TMEM108: variants seen among roughly 807,000 people sequenced by gnomAD.
The protein encoded by TMEM108 is cancer/testis antigen 124.
A neutral mutation model predicts 35.1 loss-of-function variants in TMEM108; 12 were observed. That is an observed-to-expected ratio of 0.34 (90% CI 0.22 to 0.55). The LOEUF is 0.55. Ranked by LOEUF, TMEM108 falls within the 20% of genes least tolerant of loss-of-function variation. The pLI is 0.89. For missense variants in TMEM108, 680 were observed against 753.3 expected, an observed-to-expected ratio of 0.90 and a Z score of 1.14; for synonymous variants, 287 against 308.6, an observed-to-expected ratio of 0.93 and a Z score of 0.73.
intron 3 of TMEM108, among the ~76,000 whole-genome samples, chr3:133,261,367 A>G (rs1250621335): frequency 6.6e-6 from 1 of 152,092 alleles, no homozygotes; most frequent in Non-Finnish European, 1.5e-5. Context: ...CAGCCCTTTA[A>G]TTTCTGGATT....
chr3:133,188,094 T>C (rs1030499882), intron 2 of TMEM108, among the ~76,000 whole-genome samples: 1 of 152,140 alleles, frequency 6.6e-6, no homozygotes, highest in Non-Finnish European at 1.5e-5. Flanking sequence ...ATTTGTCACA[T>C]TGACACTGAG....
At chr3:133,132,598 G>A (rs539777668) in intron 2 of TMEM108, among the ~76,000 whole-genome samples, 1 of 152,174 alleles carries the variant, frequency 6.6e-6, no homozygotes, top group East Asian at 1.9e-4. Context: ...GCTCTGAGGG[G>A]GATGTACAAG....
chr3:133,321,691 T>C (rs1332596263), intron 3 of TMEM108, among the ~76,000 whole-genome samples: 1 of 152,104 alleles, frequency 6.6e-6, no homozygotes, highest in Admixed American at 6.5e-5. Context: ...TAACAGATAT[T>C]TACAGAACAT....
At chr3:133,098,744 C>T (rs2107713302) in intron 2 of TMEM108, among the ~76,000 whole-genome samples, 1 of 152,308 alleles carries the variant, frequency 6.6e-6, no homozygotes, top group African/African-American at 2.4e-5. Flanking sequence ...AATTTTAAAG[C>T]TCCAAAACGA....
At chr3:133,267,479 A>T (rs1400333009) in intron 3 of TMEM108, among the ~76,000 whole-genome samples, 7 of 152,218 alleles carry the variant, frequency 4.6e-5, no homozygotes, top group Middle Eastern at 3.2e-3. Context: ...CCCAAGAAGA[A>T]GGGCCAGCAC....
At chr3:133,052,664 T>C (rs959877839) in intron 2 of TMEM108, among the ~76,000 whole-genome samples, 3 of 152,100 alleles carry the variant, frequency 2.0e-5, no homozygotes, top group African/African-American at 7.2e-5. Context: ...TTTTAAAATG[T>C]TCTTTTCCTT....
chr3:133,311,887 G>A (rs1045909418), intron 3 of TMEM108, among the ~76,000 whole-genome samples: 4 of 152,188 alleles, frequency 2.6e-5, no homozygotes, highest in African/African-American at 9.6e-5. Flanking sequence ...ACCTACAGAT[G>A]GGGTTTTGGT....
chr3:133,228,727 T>G (rs756862293), intron 2 of TMEM108, among the ~76,000 whole-genome samples: 2 of 152,228 alleles, frequency 1.3e-5, no homozygotes, highest in Non-Finnish European at 2.9e-5. Flanking sequence ...GGATTATGGA[T>G]AATATATATT....
chr3:133,305,420 C>T (rs1276200660), intron 3 of TMEM108, among the ~76,000 whole-genome samples: 3 of 150,754 alleles, frequency 2.0e-5, no homozygotes, highest in Non-Finnish European at 4.4e-5. Context: ...TGCTAGATGA[C>T]GAGTTAATGG....
chr3:133,073,536 C>A lies in TMEM108; in HGVS notation c.-47+27516C>A, dbSNP rs1474904763. On this transcript the variant is annotated intron_variant, in intron 2 of 5. Transcript: ENST00000321871. The stretch of plus-strand genomic sequence containing the variant: ...TATATATATATATATATATATATAT[C>A]ACATTTTCTTTATCCATTTATCTGT... 7.6e-5 allele frequency among the ~76,000 whole-genome samples: 6 copies of A among 78,928 alleles called. No homozygotes were observed. In the East Asian group the frequency reaches 9.3e-4, roughly 12 times the overall value. 51.8% of individuals were successfully genotyped at this position (78,928 alleles called of 152,430 possible).
chr3:133,303,293 A>T (rs937677877), intron 3 of TMEM108: 1 of 152,184 alleles, frequency 6.6e-6, no homozygotes, highest in Non-Finnish European at 1.5e-5. Context: ...TATACCAATC[A>T]TGTCAGTCAG....
intron 1 of TMEM108, among the ~76,000 whole-genome samples, chr3:133,039,717 C>A (rs761427901): frequency 1.3e-5 from 2 of 152,174 alleles, no homozygotes; most frequent in African/African-American, 2.4e-5. Flanking sequence ...TTACTGTGTT[C>A]TGGACTTTCC....
intron 3 of TMEM108, among the ~76,000 whole-genome samples, chr3:133,348,685 C>T (rs1303127163): frequency 6.6e-6 from 1 of 152,050 alleles, no homozygotes; most frequent in Non-Finnish European, 1.5e-5. Flanking sequence ...TAGGGTGAGG[C>T]AACTCCCTTT....
intron 3 of TMEM108, among the ~76,000 whole-genome samples, chr3:133,354,936 T>C (rs536338920): frequency 2.6e-5 from 4 of 152,084 alleles, no homozygotes; most frequent in Non-Finnish European, 5.9e-5. Context: ...TTTAAAATGA[T>C]CGTCACTTCA....
intron 2 of TMEM108, among the ~76,000 whole-genome samples, chr3:133,152,469 GAA>G (rs1944816209): frequency 6.6e-6 from 1 of 152,118 alleles, no homozygotes; most frequent in South Asian, 2.1e-4. Context: ...ATTTTGGAAA[GAA>G]AGAATAAAAA....
intron 3 of TMEM108, among the ~76,000 whole-genome samples, chr3:133,308,702 G>A (rs902255808): frequency 3.3e-5 from 5 of 152,228 alleles, no homozygotes; most frequent in African/African-American, 1.2e-4. Context: ...TGCATCCGCG[G>A]GGTGAAGCCT....
intron 2 of TMEM108, among the ~76,000 whole-genome samples, chr3:133,120,180 A>T (rs897849085): frequency 6.6e-6 from 1 of 152,276 alleles, no homozygotes; most frequent in African/African-American, 2.4e-5. Flanking sequence ...TAATGAATTA[A>T]GGCATGAGTG....
chr3:133,121,726 T>C (rs1216678305), intron 2 of TMEM108, among the ~76,000 whole-genome samples: 1 of 152,170 alleles, frequency 6.6e-6, no homozygotes, highest in Non-Finnish European at 1.5e-5. Context: ...AGGAGAACAA[T>C]AGACAGTTAA....
chr3:133,209,585 C>T (rs1475975151), intron 2 of TMEM108, among the ~76,000 whole-genome samples: 1 of 152,098 alleles, frequency 6.6e-6, no homozygotes, highest in Non-Finnish European at 1.5e-5. Context: ...AAATGGATCT[C>T]CTGGCTTACT....
Sources: allele counts gnomAD v4.1 joint callset (sites outside exome capture counted in the v4.1 genomes callset), GRCh38; gene constraint gnomAD v4.1.1; transcripts MANE v1.5; gene names NCBI Gene and HGNC (gene_info 2026-07-23, HGNC 2026-07-21).